The following GTPBP1 variants were observed in gnomAD, a reference collection of about 807,000 sequenced individuals.
GTPBP1 encodes the protein GTP binding protein 1, also known as GTP-binding protein 1.
Under a neutral mutation model 62.0 loss-of-function variants are expected in GTPBP1, and 23 were observed. The observed-to-expected ratio is 0.37, with a 90% confidence interval of 0.27 to 0.53. GTPBP1 has a LOEUF of 0.53. Ranked by LOEUF, GTPBP1 falls within the 20% of genes least tolerant of loss-of-function variation. GTPBP1 has a pLI of 0.89. For missense variants in GTPBP1, 640 were observed against 917.3 expected, an observed-to-expected ratio of 0.70 and a Z score of 3.90; for synonymous variants, 344 against 364.4, an observed-to-expected ratio of 0.94 and a Z score of 0.64.
chr22:38,737,628 C>T (rs1306553958), downstream of GTPBP1: 2 of 312,590 alleles, frequency 6.4e-6, no homozygotes, highest in South Asian at 2.6e-5. The surrounding 1 kb of genome is among the most constrained non-coding windows in gnomAD (Gnocchi z 4.1). Flanking sequence ...TCCCGCCAAC[C>T]CAATTCCTCA....
chr22:38,706,490 C>A (rs907605503), intron 1 of GTPBP1: 1 of 195,496 alleles, frequency 5.1e-6, no homozygotes, highest in African/African-American at 2.3e-5. Flanking sequence ...CTCAGTGCCC[C>A]TCCCCGTTCT....
At chr22:38,719,807 TC>T (rs892292774) in intron 4 of GTPBP1, among the ~76,000 whole-genome samples, 2 of 152,034 alleles carry the variant, frequency 1.3e-5, no homozygotes, top group Non-Finnish European at 2.9e-5. Flanking sequence ...TTACCTAATA[TC>T]CTCAAATATT....
At chr22:38,740,345 C>A (rs779567211), downstream of GTPBP1, 32 of 1,588,748 alleles carry the variant, frequency 2.0e-5, no homozygotes, top group Non-Finnish European at 2.7e-5. The surrounding 1 kb of genome is among the most constrained non-coding windows in gnomAD (Gnocchi z 4.8). Flanking sequence ...GTGCCAGAGC[C>A]GCCAGCTCCT....
At chr22:38,739,513 G>A, downstream of GTPBP1, 2 of 1,478,680 alleles carry the variant, frequency 1.4e-6, no homozygotes, top group Non-Finnish European at 1.9e-6. The surrounding 1 kb of genome is among the most constrained non-coding windows in gnomAD (Gnocchi z 6.7). Flanking sequence ...GGACCCATGG[G>A]CTGACCCCTT....
At chr22:38,713,437 G>A (rs559737874) in intron 2 of GTPBP1, among the ~76,000 whole-genome samples, 37 of 152,296 alleles carry the variant, frequency 2.4e-4, no homozygotes, top group African/African-American at 8.9e-4. Context: ...AGAGTCTGTT[G>A]TGGTGGTTCA....
intron 5 of GTPBP1, chr22:38,723,493 A>G: frequency 1.3e-6 from 1 of 751,804 alleles, no homozygotes; most frequent in Non-Finnish European, 2.3e-6. Context: ...GCCTTCCCAC[A>G]GCAGCTACCA....
downstream of GTPBP1, chr22:38,739,061 C>T (rs1005641734): frequency 2.8e-6 from 4 of 1,446,912 alleles, no homozygotes; most frequent in African/African-American, 5.6e-5. This position sits in a 1 kb window ranked among gnomAD's most constrained non-coding sequence, Gnocchi z 6.7. Flanking sequence ...TGGCTGTCTC[C>T]TCGCTGAAGG....
At chr22:38,738,741 G>A (rs1394617985), downstream of GTPBP1, 2 of 1,613,444 alleles carry the variant, frequency 1.2e-6, no homozygotes, top group Non-Finnish European at 1.7e-6. The surrounding 1 kb of genome is among the most constrained non-coding windows in gnomAD (Gnocchi z 6.6). Context: ...GCAGTTGCCT[G>A]GGTGCACATC....
chr22:38,730,947 A>G lies in GTPBP1; in HGVS notation c.*243A>G. ...TCCCCACCTTCTTCCTCACTCACACATTTTTTGTACATCTGGGCCCTTAGT... is the reference window on the plus strand; with the variant it reads ...TCCCCACCTTCTTCCTCACTCACACGTTTTTTGTACATCTGGGCCCTTAGT... On this transcript the variant is annotated 3_prime_UTR_variant, in exon 12 of 12. Coordinates refer to ENST00000216044, the MANE Select transcript of GTPBP1 (RefSeq NM_004286.5). This position sits in a 1 kb window ranked among gnomAD's most constrained non-coding sequence, Gnocchi z 5.6. The G allele has an allele frequency of 2.0e-6, 1 of 509,884 alleles. No individual in the cohort carries two copies. The highest frequency in any genetic ancestry group is 3.5e-6 in the Non-Finnish European group (1 of 289,484). The allele number at this position is 509,884 out of a possible 1,614,324, so 31.6% of individuals were successfully genotyped here. A position where few individuals can be genotyped will look rare whatever the true frequency, so the allele number is the denominator to read the frequency against.
downstream of GTPBP1, chr22:38,740,407 T>C (rs1423190877): frequency 6.4e-7 from 1 of 1,557,040 alleles, no homozygotes; most frequent in South Asian, 1.2e-5. This position sits in a 1 kb window ranked among gnomAD's most constrained non-coding sequence, Gnocchi z 4.8. Flanking sequence ...TTCACAGAGC[T>C]CTCCTGGAAG....
rs1269747152 is a variant in GTPBP1 at position 38,730,798 on chromosome 22, C to T, written c.*94C>T. ...AGAGCAGCTATGACCGCCACCCAGC[C>T]CTCCCGCTCAGGCCACAGCCGGAGC... On this transcript the variant is annotated 3_prime_UTR_variant, in exon 12 of 12. Coordinates refer to ENST00000216044, the MANE Select transcript of GTPBP1 (RefSeq NM_004286.5). The surrounding 1 kb of genome is among the most constrained non-coding windows in gnomAD (Gnocchi z 5.6). 6 of 676,598 alleles carry T rather than the reference C, an allele frequency of 8.9e-6. No individual in the cohort carries two copies. Among genetic ancestry groups the T allele is most frequent in the African/African-American group, 1.8e-5 (1 of 54,358 alleles). 41.9% of individuals were successfully genotyped at this position (676,598 alleles called of 1,614,324 possible).
chr22:38,728,016 T>C lies in GTPBP1; in HGVS notation c.1571T>C (p.Ile524Thr). 1 of 1,614,042 alleles carries C rather than the reference T, an allele frequency of 6.2e-7. No homozygotes were observed. The highest frequency in any genetic ancestry group is 8.5e-7 in the Non-Finnish European group (1 of 1,179,932). The part of the protein sequence containing the change: ...HCGSIRQTAT[I>T]LSMDKDCLRT... ...GGGAGCATCAGGCAGACAGCCACCA[T>C]TCTGAGCATGGACAAGGACTGTCTG... The change falls in exon 10 of 12, where the codon ATT (isoleucine) becomes ACT (threonine). Residue 524 changes from isoleucine to threonine, a missense_variant. Ile to Thr is a moderately conservative substitution (Grantham distance 89). Transcript: ENST00000216044.
intron 4 of GTPBP1, 107 bp downstream of exon 4, chr22:38,717,107 T>A (rs905307398): frequency 3.6e-5 from 25 of 703,410 alleles, no homozygotes; most frequent in Non-Finnish European, 5.8e-5. Flanking sequence ...GGTTTGGGGC[T>A]TTGACATCGG....
intron 4 of GTPBP1, 121 bp from the exon 5 acceptor site, chr22:38,721,619 CAG>C (rs1213696221): frequency 2.6e-6 from 2 of 768,084 alleles, no homozygotes; most frequent in African/African-American, 1.7e-5. Flanking sequence ...ATCATCGAGT[CAG>C]GGGTTAACGT....
downstream of GTPBP1, chr22:38,734,546 C>T: frequency 3.3e-6 from 1 of 306,092 alleles, no homozygotes; most frequent in Non-Finnish European, 6.7e-6. Context: ...CCCACAAACA[C>T]TGGAGGAGAC....
At chr22:38,708,978 C>G in intron 2 of GTPBP1, 22 bp downstream of exon 2, 1 of 1,419,146 alleles carries the variant, frequency 7.0e-7, no homozygotes, top group Non-Finnish European at 1.0e-6. Context: ...TTTCCTTTCA[C>G]TTTATTTTTA....
At position 38,716,473 on chromosome 22, in the gene GTPBP1, C is replaced by CT. The variant is rs1378141017; in HGVS notation, c.486-178dup. ...GGGAGTCTGGGCCCTTCTGATGACTCTACAGCAGCAGCTCTAGGAACCTTC... is the reference window on the plus strand; with the variant it reads ...GGGAGTCTGGGCCCTTCTGATGACTCTTACAGCAGCAGCTCTAGGAACCTTC... On this transcript the variant is annotated intron_variant, in intron 3 of 11. Coordinates refer to ENST00000216044, the MANE Select transcript of GTPBP1 (RefSeq NM_004286.5). This position sits in a 1 kb window ranked among gnomAD's most constrained non-coding sequence, Gnocchi z 5.2. Among the ~76,000 whole-genome samples the CT allele has an allele frequency of 7.2e-5, 11 of 152,152 alleles. No individual in the cohort carries two copies. Among genetic ancestry groups the CT allele is most frequent in the African/African-American group, 7.2e-5 (3 of 41,444 alleles).
Position 38,727,127 on chromosome 22 carries a change from C to T in GTPBP1, c.1402-86C>T. The T allele has an allele frequency of 7.4e-7, 1 of 1,347,828 alleles. No individual in the cohort carries two copies. 83.5% of individuals were successfully genotyped at this position (1,347,828 alleles called of 1,614,324 possible). ...GGCAGAGTTGGGGTGGTCCCTATCCCTAGAAAGACTCTTGGTCCCTGGGAC... is the reference window on the plus strand; with the variant it reads ...GGCAGAGTTGGGGTGGTCCCTATCCTTAGAAAGACTCTTGGTCCCTGGGAC... On this transcript the variant is annotated intron_variant, in intron 8 of 11. Coordinates refer to ENST00000216044, the MANE Select transcript of GTPBP1 (RefSeq NM_004286.5). The surrounding 1 kb of genome is among the most constrained non-coding windows in gnomAD (Gnocchi z 6.5).
At chr22:38,711,313 G>C (rs2092637728) in intron 2 of GTPBP1, among the ~76,000 whole-genome samples, 1 of 152,120 alleles carries the variant, frequency 6.6e-6, no homozygotes, top group Non-Finnish European at 1.5e-5. Flanking sequence ...ATTTTAAAAG[G>C]GGGCAGTCTG....
Sources: gnomAD v4.1 joint callset for allele counts (sites outside exome capture counted in the v4.1 genomes callset) on GRCh38, gnomAD v4.1.1 for gene constraint, Gnocchi (gnomAD v3.1) non-coding constraint, MANE v1.5 for transcripts, NCBI Gene and HGNC (gene_info 2026-07-23, HGNC 2026-07-21) for gene names.